RALGAPB: variants seen among roughly 807,000 people sequenced by gnomAD.
RALGAPB encodes the protein Ral GTPase activating protein non-catalytic subunit beta.
RALGAPB carries 25 observed loss-of-function variants against 161.1 expected under a neutral mutation model. The ratio of observed to expected loss-of-function variants is 0.16; its 90% CI spans 0.11 to 0.22. The LOEUF (loss-of-function observed/expected upper bound fraction) is 0.22, where lower values mean the gene tolerates loss of function less well. Ranked by LOEUF, RALGAPB falls within the 10% of genes least tolerant of loss-of-function variation. The probability of loss-of-function intolerance (pLI) is 1.00; values close to 1 mark genes in which losing one functional copy is unlikely to be tolerated. For missense variants in RALGAPB, 1,391 were observed against 1,815.2 expected, an observed-to-expected ratio of 0.77 and a Z score of 4.25; for synonymous variants, 629 against 626.1, an observed-to-expected ratio of 1.00 and a Z score of -0.07.
intron 6 of RALGAPB, among the ~76,000 whole-genome samples, chr20:38,513,481 T>TG (rs1254919858): frequency 9.7e-5 from 2 of 20,640 alleles, no homozygotes; most frequent in Non-Finnish European, 1.9e-4. Context: ...CGGTGGGGGG[T>TG]GGGGGGGAAG....
chr20:38,496,283 C>T (rs1171936023), intron 3 of RALGAPB, among the ~76,000 whole-genome samples: 1 of 152,068 alleles, frequency 6.6e-6, no homozygotes, highest in African/African-American at 2.4e-5. Context: ...GCATCATAGC[C>T]CAGAATCTGA....
intron 15 of RALGAPB, among the ~76,000 whole-genome samples, chr20:38,533,147 C>T (rs763508222): frequency 6.6e-6 from 1 of 151,920 alleles, no homozygotes; most frequent in Admixed American, 6.6e-5. Context: ...TGGTAGAGAA[C>T]CAAATAAGAT....
intron 14 of RALGAPB, among the ~76,000 whole-genome samples, chr20:38,531,763 A>G (rs2086658065): frequency 1.3e-5 from 2 of 152,302 alleles, no homozygotes; most frequent in Admixed American, 6.5e-5. Context: ...AATAGGGTAT[A>G]CTGGGGTAAG....
At chr20:38,544,118 T>G (rs1186954413) in intron 18 of RALGAPB, among the ~76,000 whole-genome samples, 1 of 152,202 alleles carries the variant, frequency 6.6e-6, no homozygotes, top group Non-Finnish European at 1.5e-5. Flanking sequence ...TTAAGACATG[T>G]GTACCAAGTT....
Position 38,560,104 on chromosome 20 carries a change from A to G in RALGAPB, c.3531+1651A>G, listed in dbSNP as rs943997933. 3.5e-5 allele frequency among the ~76,000 whole-genome samples: 5 copies of G among 143,170 alleles called. No homozygotes were observed. In the East Asian group the frequency reaches 9.6e-4, roughly 28 times the overall value. The allele number at this position is 143,170 out of a possible 152,430, so 93.9% of individuals were successfully genotyped here. A position where few individuals can be genotyped will look rare whatever the true frequency, so the allele number is the denominator to read the frequency against. On this transcript the variant is annotated intron_variant, in intron 23 of 29. Transcript: ENST00000262879. ...TAGAAAAGAACACTGATTTATGAGAAAGTTTTTTTTTTTTGTTATTGAGTC... is the reference window on the plus strand; with the variant it reads ...TAGAAAAGAACACTGATTTATGAGAGAGTTTTTTTTTTTTGTTATTGAGTC...
chr20:38,479,995 T>G (rs75883069), intron 1 of RALGAPB, among the ~76,000 whole-genome samples: 1 of 152,002 alleles, frequency 6.6e-6, no homozygotes, highest in Admixed American at 6.6e-5. Flanking sequence ...TTTTTTTTTT[T>G]GTTTGAGACA....
chr20:38,533,611 T>C (rs1167248229), intron 15 of RALGAPB, among the ~76,000 whole-genome samples: 1 of 152,176 alleles, frequency 6.6e-6, no homozygotes, highest in East Asian at 1.9e-4. Context: ...TCATGAGCCA[T>C]GTTCATGAGT....
chr20:38,505,033 A>G (rs1412336245), intron 5 of RALGAPB, among the ~76,000 whole-genome samples: 1 of 152,226 alleles, frequency 6.6e-6, no homozygotes, highest in Admixed American at 6.5e-5. Context: ...TTTCTCAAAG[A>G]ACTTAAAATA....
intron 5 of RALGAPB, among the ~76,000 whole-genome samples, chr20:38,501,538 G>T (rs1248285253): frequency 1.3e-5 from 2 of 152,144 alleles, no homozygotes; most frequent in African/African-American, 4.8e-5. Context: ...GAATAACTGG[G>T]ATTACAGAGG....
Position 38,577,824 on chromosome 20 carries a change from C to A in RALGAPB, c.*2857C>A, listed in dbSNP as rs2088493887. On this transcript the variant is annotated 3_prime_UTR_variant, in exon 30 of 30. Coordinates refer to ENST00000262879, the MANE Select transcript of RALGAPB (RefSeq NM_020336.4). ...GGATTCATTGATGAATACAAGTACCCACACCTTTGGCCAGTAATGTCAGTT... is the reference window on the plus strand; with the variant it reads ...GGATTCATTGATGAATACAAGTACCAACACCTTTGGCCAGTAATGTCAGTT... 1 of 152,198 alleles carries A rather than the reference C, an allele frequency of 6.6e-6. No individual in the cohort carries two copies. Among genetic ancestry groups the A allele is most frequent in the Non-Finnish European group, 1.5e-5 (1 of 68,096 alleles). The allele number at this position is 152,198 out of a possible 1,614,324, so 9.4% of individuals were successfully genotyped here.
At chr20:38,561,099 G>A (rs935071752) in intron 23 of RALGAPB, among the ~76,000 whole-genome samples, 24 of 152,230 alleles carry the variant, frequency 1.6e-4, no homozygotes, top group Admixed American at 1.6e-3. Flanking sequence ...GCCGAGGCGC[G>A]CGGATCACGA....
intron 15 of RALGAPB, 108 bp downstream of exon 15, chr20:38,532,967 TAAGTA>T: frequency 1.6e-6 from 2 of 1,237,770 alleles, no homozygotes. Context: ...TTTATATACT[TAAGTA>T]TAATAGAGAG....
chr20:38,549,597 CACACAT>C (rs1456285195), intron 20 of RALGAPB, among the ~76,000 whole-genome samples: 3 of 149,938 alleles, frequency 2.0e-5, no homozygotes, highest in South Asian at 4.2e-4. Flanking sequence ...CACACACACA[CACACAT>C]ATGTATGCTG....
chr20:38,499,241 G>C (rs1238056342), intron 4 of RALGAPB, among the ~76,000 whole-genome samples: 1 of 152,120 alleles, frequency 6.6e-6, no homozygotes. Flanking sequence ...ATCTTTCAAA[G>C]TAAAAATTTT....
Position 38,564,812 on chromosome 20 carries a change from A to AAT in RALGAPB, c.3698-546_3698-545insTA, listed in dbSNP as rs201708410. ...GCCTTAAAAGCAAGAGTCCAGAGAT[A>AAT]ACGCACATGTGCACTCTCTCTCTTC... is the stretch of plus-strand genomic sequence containing the variant. On this transcript the variant is annotated intron_variant, in intron 24 of 29. Coordinates refer to ENST00000262879, the MANE Select transcript of RALGAPB (RefSeq NM_020336.4). Among the ~76,000 whole-genome samples the AAT allele has an allele frequency of 9.1e-3, 1,391 of 152,130 alleles. 24 individuals carry two copies. The highest frequency in any genetic ancestry group is 0.032 in the African/African-American group (1,331 of 41,508).
chr20:38,506,820 T>C (rs945947894), intron 5 of RALGAPB, among the ~76,000 whole-genome samples: 1 of 152,216 alleles, frequency 6.6e-6, no homozygotes, highest in African/African-American at 2.4e-5. Context: ...GGTAGTGTTA[T>C]GTATCAGAAG....
chr20:38,509,041 A>G (rs1370461486), intron 5 of RALGAPB, 36 bp from the exon 6 acceptor site: 1 of 1,604,068 alleles, frequency 6.2e-7, no homozygotes, highest in African/African-American at 1.3e-5. Flanking sequence ...TCAATCTGTT[A>G]AGAAATGGAC....
At position 38,574,854 on chromosome 20, in the gene RALGAPB, C is replaced by T. The variant is rs867799737; in HGVS notation, c.4372C>T (p.Arg1458Cys). ...ESDSYSPPHV[R>C]RKQKITDIVN... The stretch of plus-strand genomic sequence containing the variant: ...TGACTCCTACAGTCCCCCCCATGTC[C>T]GCCGGAAACAGAAAATCACCGACAT... The change falls in exon 30 of 30, where the codon CGC (arginine) becomes TGC (cysteine). Residue 1458 changes from arginine (R) to cysteine (C), a missense_variant. Arg to Cys is a radical substitution (Grantham distance 180, BLOSUM62 -3). Transcript: ENST00000262879. 3.7e-6 allele frequency: 6 copies of T among 1,613,588 alleles called. No homozygotes were observed. The highest frequency in any genetic ancestry group is 3.4e-6 in the Non-Finnish European group (4 of 1,179,558).
intron 5 of RALGAPB, among the ~76,000 whole-genome samples, chr20:38,505,029 A>G (rs574507473): frequency 1.3e-5 from 2 of 152,228 alleles, no homozygotes; most frequent in African/African-American, 2.4e-5. Context: ...GAGATTTCTC[A>G]AAGAACTTAA....
Sources: allele counts gnomAD v4.1 joint callset (sites outside exome capture counted in the v4.1 genomes callset), GRCh38; gene constraint gnomAD v4.1.1; transcripts MANE v1.5; gene names NCBI Gene and HGNC (gene_info 2026-07-23, HGNC 2026-07-21).